DTNA: variants seen among roughly 807,000 people sequenced by gnomAD.
DTNA encodes the protein dystrophin-related protein 3.
Under a neutral mutation model 100.7 loss-of-function variants are expected in DTNA, and 43 were observed. That is an observed-to-expected ratio of 0.43 (90% CI 0.33 to 0.55). The LOEUF (loss-of-function observed/expected upper bound fraction) is 0.55. Ranked by LOEUF, DTNA falls within the 20% of genes least tolerant of loss-of-function variation. The pLI is 0.04. For synonymous variants in DTNA, 349 were observed against 347.9 expected (o/e 1.00, Z -0.04); for missense variants, 798 against 953.9 (o/e 0.84, Z 2.15).
At chr18:34,873,504 T>C (rs972563582) in intron 17 of DTNA, among the ~76,000 whole-genome samples, 1 of 152,168 alleles carries the variant, frequency 6.6e-6, no homozygotes, top group East Asian at 1.9e-4. Flanking sequence ...TTGCCAGCCA[T>C]GGCCAGCAAG....
chr18:34,820,891 A>G lies in DTNA; in HGVS notation c.977A>G (p.Lys326Arg), dbSNP rs939766160. 1.2e-6 allele frequency: 2 copies of G among 1,614,136 alleles called. No individual in the cohort carries two copies. Among genetic ancestry groups the G allele is most frequent in the Admixed American group, 3.3e-5 (2 of 60,020 alleles). The change falls in exon 9 of 23, where the codon AAG (lysine) becomes AGG (arginine). Residue 326 changes from lysine to arginine, a missense_variant. Lys to Arg is a conservative substitution (Grantham distance 26, BLOSUM62 2). Around this residue, in one of 6 missense-constraint regions of DTNA, gnomAD observed 93 missense variants for 90.5 expected, o/e 1.03. Coordinates refer to ENST00000444659, the MANE Select transcript of DTNA (RefSeq NM_001386795.1). ...CCCATGTTCCCAGATCAGCCTGAGAAGCCACTCAACTTGGCTCACATCGTG... is the reference window on the plus strand; with the variant it reads ...CCCATGTTCCCAGATCAGCCTGAGAGGCCACTCAACTTGGCTCACATCGTG... ...LHPMFPDQPEKPLNLAHIVPP... is the reference protein window; with the variant it reads ...LHPMFPDQPERPLNLAHIVPP...
rs1334775555 is a variant in DTNA, at chr18:34,891,806, G to A, written c.*4072G>A. The A allele has an allele frequency of 6.6e-6, 1 of 151,956 alleles. No individual in the cohort carries two copies. The allele number at this position is 151,956 out of a possible 1,614,324, so 9.4% of individuals were successfully genotyped here. A position where few individuals can be genotyped will look rare whatever the true frequency, so the allele number is the denominator to read the frequency against. ...TTCTGCAAATATTAAGTGCTCAATGGTTTTTTTGTTGAATTACTGAATAAA... is the reference window on the plus strand; with the variant it reads ...TTCTGCAAATATTAAGTGCTCAATGATTTTTTTGTTGAATTACTGAATAAA... On this transcript the variant is annotated 3_prime_UTR_variant, in exon 23 of 23. Coordinates refer to ENST00000444659, the MANE Select transcript of DTNA (RefSeq NM_001386795.1).
chr18:34,769,654 C>T (rs1373976685), intron 3 of DTNA, among the ~76,000 whole-genome samples: 3 of 150,850 alleles, frequency 2.0e-5, no homozygotes, highest in Non-Finnish European at 2.9e-5. Context: ...GGAGGGCAGC[C>T]TTCTGGTTCA....
chr18:34,818,620 C>T, intron 8 of DTNA: 1 of 1,211,490 alleles, frequency 8.3e-7, no homozygotes. Context: ...ATAGCAAGGA[C>T]CTTCTGGAAC....
At chr18:34,655,590 T>A (rs2074260056) in intron 1 of DTNA, among the ~76,000 whole-genome samples, 1 of 152,246 alleles carries the variant, frequency 6.6e-6, no homozygotes, top group African/African-American at 2.4e-5. Flanking sequence ...CTTCACTTTT[T>A]ATCACAGAAA....
chr18:34,742,923 G>A (rs142891096), intron 1 of DTNA, among the ~76,000 whole-genome samples: 240 of 152,100 alleles, frequency 1.6e-3, no homozygotes, highest in African/African-American at 5.5e-3. Context: ...GCCTCACCGG[G>A]ACAATGCAGG....
intron 1 of DTNA, among the ~76,000 whole-genome samples, chr18:34,702,265 T>A (rs1316296227): frequency 3.3e-5 from 5 of 152,096 alleles, no homozygotes; most frequent in Non-Finnish European, 7.3e-5. Flanking sequence ...CCAAATCACC[T>A]CAGATGTGAC....
intron 1 of DTNA, among the ~76,000 whole-genome samples, chr18:34,747,863 T>A (rs1435689466): frequency 6.6e-6 from 1 of 152,172 alleles, no homozygotes; most frequent in East Asian, 1.9e-4. Flanking sequence ...GTAGTTCTAC[T>A]TTTACTTCTT....
At chr18:34,660,381 G>A (rs865957205) in intron 1 of DTNA, among the ~76,000 whole-genome samples, 34 of 151,130 alleles carry the variant, frequency 2.2e-4, no homozygotes, top group African/African-American at 7.1e-4. Flanking sequence ...TGTAGCAATA[G>A]GTCACCAAAT....
chr18:34,793,234 G>A (rs188275490), intron 3 of DTNA, among the ~76,000 whole-genome samples: 2 of 152,274 alleles, frequency 1.3e-5, no homozygotes, highest in African/African-American at 2.4e-5. Flanking sequence ...TTGAGGGTGA[G>A]GACGTGTTCT....
intron 9 of DTNA, among the ~76,000 whole-genome samples, chr18:34,824,089 TA>T (rs1282986128): frequency 6.6e-6 from 1 of 152,250 alleles, no homozygotes; most frequent in Non-Finnish European, 1.5e-5. Context: ...AGTGCTGAAA[TA>T]TGTAGAACAT....
chr18:34,832,300 C>G (rs1479358841), intron 11 of DTNA, among the ~76,000 whole-genome samples: 2 of 152,208 alleles, frequency 1.3e-5, no homozygotes, highest in African/African-American at 2.4e-5. Context: ...AATAATCACT[C>G]TCTGCAGATA....
intron 11 of DTNA, among the ~76,000 whole-genome samples, chr18:34,831,926 G>A (rs774629033): frequency 6.6e-6 from 1 of 152,130 alleles, no homozygotes; most frequent in Non-Finnish European, 1.5e-5. Context: ...ATAGGTTTGG[G>A]TTTTCAACCA....
intron 1 of DTNA, among the ~76,000 whole-genome samples, chr18:34,743,332 G>A (rs879381742): frequency 2.0e-5 from 3 of 152,032 alleles, no homozygotes; most frequent in Non-Finnish European, 2.9e-5. Context: ...TGGCATCTAT[G>A]TTCATTAACC....
At chr18:34,730,898 G>T (rs2087968617) in intron 1 of DTNA, among the ~76,000 whole-genome samples, 1 of 152,232 alleles carries the variant, frequency 6.6e-6, no homozygotes, top group Admixed American at 6.5e-5. Flanking sequence ...AAGGACTGGT[G>T]TGGGGAGGCT....
intron 1 of DTNA, 102 bp from the exon 2 acceptor site, chr18:34,755,874 T>G (rs2092733172): frequency 7.1e-6 from 7 of 992,428 alleles, no homozygotes; most frequent in Non-Finnish European, 4.7e-6. Flanking sequence ...ATAGGTTTTC[T>G]ATGTGTTTGT....
chr18:34,851,337 A>G (rs554988686), intron 14 of DTNA, among the ~76,000 whole-genome samples: 3 of 152,234 alleles, frequency 2.0e-5, no homozygotes, highest in African/African-American at 7.2e-5. Flanking sequence ...CCTGACCACA[A>G]GTGATCCGCC....
chr18:34,689,886 T>C (rs898469818), intron 1 of DTNA, among the ~76,000 whole-genome samples: 23 of 152,248 alleles, frequency 1.5e-4, no homozygotes, highest in Admixed American at 2.6e-4. Flanking sequence ...TACAGTGGCT[T>C]TGAGGTGTTG....
chr18:34,702,990 T>C (rs2081586248), intron 1 of DTNA, among the ~76,000 whole-genome samples: 1 of 152,220 alleles, frequency 6.6e-6, no homozygotes, highest in Non-Finnish European at 1.5e-5. Context: ...TGCTAACTTT[T>C]ATTGTTTAAT....
Sources: allele counts gnomAD v4.1 joint callset (sites outside exome capture counted in the v4.1 genomes callset), GRCh38; gene constraint gnomAD v4.1.1; regional missense constraint gnomAD v4.1.1; transcripts MANE v1.5; gene names NCBI Gene and HGNC (gene_info 2026-07-23, HGNC 2026-07-21).